The following SSBP2 variants were observed in gnomAD, a reference collection of about 807,000 sequenced individuals.
SSBP2 encodes the protein single-stranded DNA-binding protein 2.
A neutral mutation model predicts 61.8 loss-of-function variants in SSBP2; 17 were observed. That is an observed-to-expected ratio of 0.28 (90% CI 0.19 to 0.41). The LOEUF is 0.41. SSBP2 is among the 10% of genes least tolerant of loss of function. SSBP2 has a pLI of 1.00. For synonymous variants in SSBP2, 139 were observed against 141.3 expected, an observed-to-expected ratio of 0.98 and a Z score of 0.12; for missense variants, 310 against 458.7, an observed-to-expected ratio of 0.68 and a Z score of 2.96.
chr5:81,751,259 G>A (rs888515847), upstream of SSBP2: 4 of 585,270 alleles, frequency 6.8e-6, no homozygotes, highest in Non-Finnish European at 9.2e-6. Flanking sequence ...AAGCCTCAGC[G>A]GCAGTCTCCT....
rs1183524008 is a variant in SSBP2, at chr5:81,516,977, G to C, written c.283-3260C>G. 3.3e-5 allele frequency among the ~76,000 whole-genome samples: 5 copies of C among 152,190 alleles called. No individual in the cohort carries two copies. The South Asian group carries it at 6.2e-4, about 19-fold the overall frequency. Reference sequence around the variant, plus strand: ...CATAAAGCATGTATTATTACTCTATGATGTTGTGACAAAAATCACAAAAGG... The same window carrying C: ...CATAAAGCATGTATTATTACTCTATCATGTTGTGACAAAAATCACAAAAGG... On this transcript the variant is annotated intron_variant, in intron 4 of 16. Coordinates refer to ENST00000320672, the MANE Select transcript of SSBP2 (RefSeq NM_012446.5).
At chr5:81,664,730 AG>A (rs1750969197) in intron 1 of SSBP2, among the ~76,000 whole-genome samples, 1 of 152,182 alleles carries the variant, frequency 6.6e-6, no homozygotes, top group South Asian at 2.1e-4. Flanking sequence ...TTTTTTAGAA[AG>A]AAATAAATTG....
rs946750234 is a variant in SSBP2, at chr5:81,416,388, T to A, written c.*4116A>T. On this transcript the variant is annotated 3_prime_UTR_variant, in exon 17 of 17. Coordinates refer to ENST00000320672, the MANE Select transcript of SSBP2 (RefSeq NM_012446.5). ...CTCCTGGGAAAACTACTCTTAGTAC[T>A]ATACACTATATGCAGATGAAAATGG... 7.9e-5 allele frequency: 12 copies of A among 152,218 alleles called. No individual in the cohort carries two copies. Among genetic ancestry groups the A allele is most frequent in the African/African-American group, 2.9e-4 (12 of 41,452 alleles). 9.4% of individuals were successfully genotyped at this position (152,218 alleles called of 1,614,324 possible).
chr5:81,505,491 T>C (rs1395027659), intron 5 of SSBP2, among the ~76,000 whole-genome samples: 2 of 152,194 alleles, frequency 1.3e-5, no homozygotes, highest in Non-Finnish European at 1.5e-5. Context: ...CCCCAAAGAA[T>C]GTGGAGCATT....
At chr5:81,524,542 T>C (rs1480196430) in intron 4 of SSBP2, among the ~76,000 whole-genome samples, 1 of 152,080 alleles carries the variant, frequency 6.6e-6, no homozygotes, top group Non-Finnish European at 1.5e-5. Flanking sequence ...TTTTGGATAA[T>C]AGTTTTTCAT....
chr5:81,705,261 CCTCTT>C (rs1191662785), intron 1 of SSBP2, among the ~76,000 whole-genome samples: 4 of 151,950 alleles, frequency 2.6e-5, no homozygotes, highest in African/African-American at 9.7e-5. Context: ...TTTCTATACT[CCTCTT>C]ATTAATCTGC....
chr5:81,426,794 G>A (rs1208492752), intron 16 of SSBP2, among the ~76,000 whole-genome samples: 1 of 152,180 alleles, frequency 6.6e-6, no homozygotes, highest in Non-Finnish European at 1.5e-5. Context: ...ACAAATCTGG[G>A]AAGGAAGTAG....
chr5:81,737,866 C>T (rs1756731282), intron 1 of SSBP2, among the ~76,000 whole-genome samples: 1 of 152,032 alleles, frequency 6.6e-6, no homozygotes, highest in Non-Finnish European at 1.5e-5. Context: ...GTAACTCACC[C>T]TTCCATTCTC....
intron 1 of SSBP2, among the ~76,000 whole-genome samples, chr5:81,704,777 C>T (rs1422115670): frequency 9.4e-6 from 1 of 106,516 alleles, no homozygotes; most frequent in South Asian, 3.4e-4. Context: ...GCCTGGGTGA[C>T]GGGGAATGAT....
At chr5:81,616,694 G>A (rs370115249) in intron 3 of SSBP2, 8 of 145,544 alleles carry the variant, frequency 5.5e-5, no homozygotes, top group African/African-American at 1.5e-4. Flanking sequence ...GCAGACTTAA[G>A]TGTCCCTGTC....
chr5:81,606,979 T>C (rs1744939843), intron 4 of SSBP2, among the ~76,000 whole-genome samples: 4 of 152,200 alleles, frequency 2.6e-5, no homozygotes, highest in Admixed American at 1.3e-4. Context: ...TGATAAGATT[T>C]GTGATAAGAT....
intron 1 of SSBP2, among the ~76,000 whole-genome samples, chr5:81,745,153 T>A (rs1757274748): frequency 6.6e-6 from 1 of 152,112 alleles, no homozygotes; most frequent in Admixed American, 6.5e-5. Flanking sequence ...TATTTCCACT[T>A]GTTTTTTAAT....
At chr5:81,692,618 T>TC (rs1269611544) in intron 1 of SSBP2, among the ~76,000 whole-genome samples, 10 of 152,108 alleles carry the variant, frequency 6.6e-5, no homozygotes, top group African/African-American at 2.2e-4. Context: ...ACTACACAGC[T>TC]ATAGTAACCC....
intron 6 of SSBP2, among the ~76,000 whole-genome samples, chr5:81,482,538 T>C (rs1766070516): frequency 2.0e-5 from 3 of 152,206 alleles, no homozygotes; most frequent in Non-Finnish European, 4.4e-5. Flanking sequence ...TGGAGACAGC[T>C]TCTTTCCTAA....
At chr5:81,575,237 C>G (rs1053190387) in intron 4 of SSBP2, among the ~76,000 whole-genome samples, 1 of 152,150 alleles carries the variant, frequency 6.6e-6, no homozygotes, top group South Asian at 2.1e-4. Context: ...TACTGCACTC[C>G]AGCCTGGGTG....
In SSBP2 at chr5:81,501,212, AATATATAT is replaced by A. The variant is rs1167504052; in HGVS notation, c.373-11911_373-11904del. On this transcript the variant is annotated intron_variant, in intron 5 of 16. Transcript: ENST00000320672. Reference sequence around the variant, plus strand: ...GGTGACAGAGGGAGACTCCATCTCAAATATATATATATATATATATATATATATATATA... The same window carrying A: ...GGTGACAGAGGGAGACTCCATCTCAAATATATATATATATATATATATATA... Among the ~76,000 whole-genome samples, 131 of 28,784 alleles carry A rather than the reference AATATATAT, an allele frequency of 4.6e-3. 4 individuals carry two copies. The highest frequency in any genetic ancestry group is 7.4e-3 in the Admixed American group (12 of 1,614). The allele number at this position is 28,784 out of a possible 152,430, so 18.9% of individuals were successfully genotyped here. A position where few individuals can be genotyped will look rare whatever the true frequency, so the allele number is the denominator to read the frequency against.
chr5:81,499,183 C>T (rs1767513087), intron 5 of SSBP2, among the ~76,000 whole-genome samples: 1 of 152,120 alleles, frequency 6.6e-6, no homozygotes, highest in African/African-American at 2.4e-5. Context: ...GTTTATCTCC[C>T]ATACATCTTA....
At chr5:81,646,962 C>T (rs1395630144) in intron 2 of SSBP2, among the ~76,000 whole-genome samples, 3 of 151,890 alleles carry the variant, frequency 2.0e-5, no homozygotes, top group African/African-American at 7.3e-5. Context: ...ACCCAAGCAG[C>T]TAGATACTGT....
chr5:81,577,792 C>T lies in SSBP2; in HGVS notation c.282+37681G>A, dbSNP rs541305033. 1.4e-3 allele frequency among the ~76,000 whole-genome samples: 210 copies of T among 151,584 alleles called. No individual in the cohort carries two copies. In the South Asian group the frequency reaches 0.016, roughly 11 times the overall value. ...CATCTTTTTTTCTACATCTTTTGCC[C>T]TATGTCAAGATTAACCTTCACAATG... On this transcript the variant is annotated intron_variant, in intron 4 of 16. Coordinates refer to ENST00000320672, the MANE Select transcript of SSBP2 (RefSeq NM_012446.5).
Sources: gnomAD v4.1 joint callset for allele counts (sites outside exome capture counted in the v4.1 genomes callset) on GRCh38, gnomAD v4.1.1 for gene constraint, MANE v1.5 for transcripts, NCBI Gene and HGNC (gene_info 2026-07-23, HGNC 2026-07-21) for gene names.